Variants in OCIAD2 observed in about 807,000 individuals in gnomAD.
The protein encoded by OCIAD2 is OCIA domain-containing protein 2.
Under a neutral mutation model 22.9 loss-of-function variants are expected in OCIAD2, and 29 were observed. The ratio of observed to expected loss-of-function variants is 1.27; its 90% confidence interval spans 0.94 to 1.73. OCIAD2 has a LOEUF of 1.73. Ranked by LOEUF, OCIAD2 falls within the 40% of genes most tolerant of loss-of-function variation. The pLI is 0.00. For missense variants in OCIAD2, 189 were observed against 180.3 expected (o/e 1.05, Z -0.28); for synonymous variants, 67 against 60.2 (o/e 1.11, Z -0.52).
chr4:48,885,777 C>A (rs538199060), intron 6 of OCIAD2, among the ~76,000 whole-genome samples: 1 of 152,314 alleles, frequency 6.6e-6, no homozygotes, highest in Non-Finnish European at 1.5e-5. Context: ...TGAACCACTG[C>A]ACCTGGCTTT....
intron 4 of OCIAD2, among the ~76,000 whole-genome samples, chr4:48,895,129 A>G (rs1271809735): frequency 2.6e-5 from 4 of 152,202 alleles, no homozygotes; most frequent in African/African-American, 9.7e-5. Context: ...GAGAAAGGAA[A>G]AGGAAGCCCA....
chr4:48,887,163 C>A (rs1239963235), intron 6 of OCIAD2, among the ~76,000 whole-genome samples: 1 of 152,080 alleles, frequency 6.6e-6, no homozygotes, highest in Non-Finnish European at 1.5e-5. Flanking sequence ...CTGTTCATAT[C>A]CTTTGCCCAC....
At chr4:48,891,093 T>C (rs1337087053) in intron 6 of OCIAD2, among the ~76,000 whole-genome samples, 1 of 152,184 alleles carries the variant, frequency 6.6e-6, no homozygotes, top group African/African-American at 2.4e-5. Context: ...CTCTACATAC[T>C]ATTCCTGGCC....
chr4:48,901,948 T>C (rs1354199118), intron 2 of OCIAD2, among the ~76,000 whole-genome samples: 1 of 150,396 alleles, frequency 6.6e-6, no homozygotes, highest in Non-Finnish European at 1.5e-5. Context: ...GGGGGAGGCG[T>C]GGGGGGGGCG....
At chr4:48,887,274 C>G (rs1018699573) in intron 6 of OCIAD2, among the ~76,000 whole-genome samples, 16 of 151,446 alleles carry the variant, frequency 1.1e-4, no homozygotes, top group African/African-American at 3.6e-4. Context: ...AAATTTTCTC[C>G]CATTCTGTAG....
Position 48,892,356 on chromosome 4 carries a change from G to A in OCIAD2, c.383+416C>T, listed in dbSNP as rs564609122. 2.2e-3 allele frequency among the ~76,000 whole-genome samples: 334 copies of A among 152,308 alleles called. 3 individuals are homozygous for A. The highest frequency in any genetic ancestry group is 3.2e-3 in the Non-Finnish European group (217 of 68,038). ...AACCAAGTACTATAACAGCAGAGGTGATGCCATTAACTCCAAAGTCGTACT... is the reference window on the plus strand; with the variant it reads ...AACCAAGTACTATAACAGCAGAGGTAATGCCATTAACTCCAAAGTCGTACT... On this transcript the variant is annotated intron_variant, in intron 6 of 6. Coordinates refer to ENST00000508632, the MANE Select transcript of OCIAD2 (RefSeq NM_001014446.3).
chr4:48,886,787 G>T (rs533059019), intron 6 of OCIAD2, among the ~76,000 whole-genome samples: 1 of 151,668 alleles, frequency 6.6e-6, no homozygotes, highest in Non-Finnish European at 1.5e-5. Context: ...TGTGAATAGT[G>T]CCACAATAAA....
intron 6 of OCIAD2, 24 bp from the exon 7 acceptor site, chr4:48,885,589 A>G: frequency 8.2e-6 from 11 of 1,345,140 alleles, no homozygotes; most frequent in Non-Finnish European, 1.2e-5. Context: ...AAAAATAGAC[A>G]GCGGTTTGTA....
rs370195306 is a variant in OCIAD2, at chr4:48,885,592, G to C, written c.384-27C>G. 5 of 1,290,874 alleles carry C rather than the reference G, an allele frequency of 3.9e-6. No individual in the cohort carries two copies. In the South Asian group the frequency reaches 4.9e-5, roughly 13 times the overall value. The allele number at this position is 1,290,874 out of a possible 1,614,324, so 80.0% of individuals were successfully genotyped here. On this transcript the variant is annotated intron_variant, in intron 6 of 6. Coordinates refer to ENST00000508632, the MANE Select transcript of OCIAD2 (RefSeq NM_001014446.3). Reference sequence around the variant, plus strand: ...TAGAAGAGAAGCAAAAATAGACAGCGGTTTGTACTTTGACACTGGAAGCCC... The same window carrying C: ...TAGAAGAGAAGCAAAAATAGACAGCCGTTTGTACTTTGACACTGGAAGCCC...
intron 3 of OCIAD2, among the ~76,000 whole-genome samples, 160 bp downstream of exon 3, chr4:48,899,668 TA>T (rs927581243): frequency 3.9e-5 from 6 of 152,272 alleles, no homozygotes; most frequent in Non-Finnish European, 7.4e-5. Context: ...ATCTCTGCCC[TA>T]AAAAAGGTCT....
chr4:48,891,019 T>C (rs1781165994), intron 6 of OCIAD2, among the ~76,000 whole-genome samples: 1 of 152,202 alleles, frequency 6.6e-6, no homozygotes, highest in South Asian at 2.1e-4. Flanking sequence ...CCTTTCCCAA[T>C]AGCTCTTTAT....
At chr4:48,900,049 A>G in intron 2 of OCIAD2, 124 bp from the exon 3 acceptor site, 1 of 586,796 alleles carries the variant, frequency 1.7e-6, no homozygotes, top group South Asian at 2.3e-5. Context: ...TACCAGAGGC[A>G]GCCCAAAGCA....
rs1781333609 is a variant in OCIAD2, at chr4:48,897,805, T to C, written c.216A>G (p.Gln72=). ...TATTTAACAAATATTGAATCTTACC[T>C]TGGTAGACTAGTCCCTGGGTGACAA... is the stretch of plus-strand genomic sequence containing the variant. ...SMLVTQGLVY[Q]GYLAANSRFG... is the part of the protein sequence containing the mutation. Residue 72 remains glutamine (Q), a splice_region_variant and synonymous_variant, in exon 4 of 7, where the codon CAA becomes CAG. Coordinates refer to ENST00000508632, the MANE Select transcript of OCIAD2 (RefSeq NM_001014446.3). 1 of 1,608,472 alleles carries C rather than the reference T, an allele frequency of 6.2e-7. No homozygotes were observed. The highest frequency in any genetic ancestry group is 8.5e-7 in the Non-Finnish European group (1 of 1,175,000).
chr4:48,889,645 T>C (rs896638080), intron 6 of OCIAD2, among the ~76,000 whole-genome samples: 2 of 152,246 alleles, frequency 1.3e-5, no homozygotes, highest in Non-Finnish European at 2.9e-5. Flanking sequence ...GGAACACTTT[T>C]ACACTGTTGG....
rs529436510 is a variant in OCIAD2 at position 48,895,119 on chromosome 4, G to A, written c.218-1066C>T. 5.3e-5 allele frequency among the ~76,000 whole-genome samples: 8 copies of A among 152,300 alleles called. 1 individual carries two copies. Among genetic ancestry groups the A allele is most frequent in the South Asian group, 2.1e-4 (1 of 4,832 alleles). ...AAGAAATATGCATGGTTCTAGAAAC[G>A]AGAAAGGAAAAGGAAGCCCAAGAGC... On this transcript the variant is annotated intron_variant, in intron 4 of 6. Coordinates refer to ENST00000508632, the MANE Select transcript of OCIAD2 (RefSeq NM_001014446.3).
In OCIAD2 at chr4:48,904,563, T is replaced by C; in HGVS notation, c.-14A>G. ...CGCTGAAGCCATGATGACTTTGTGC[T>C]TGCTCTCCTTCCAGTTGTTTATCCT... On this transcript the variant is annotated 5_prime_UTR_variant, in exon 2 of 7. Coordinates refer to ENST00000508632, the MANE Select transcript of OCIAD2 (RefSeq NM_001014446.3). 6.2e-7 allele frequency: 1 copy of C among 1,613,672 alleles called. No individual in the cohort carries two copies. The highest frequency in any genetic ancestry group is 1.1e-5 in the South Asian group (1 of 91,072).
intron 1 of OCIAD2, among the ~76,000 whole-genome samples, chr4:48,905,800 G>C (rs1206966877): frequency 6.6e-6 from 1 of 152,190 alleles, no homozygotes; most frequent in Non-Finnish European, 1.5e-5. Context: ...TGCCCTGCAC[G>C]GGAAAGTACT....
intron 6 of OCIAD2, 57 bp from the exon 7 acceptor site, chr4:48,885,622 C>G: frequency 1.2e-6 from 1 of 838,732 alleles, no homozygotes; most frequent in Non-Finnish European, 2.0e-6. Context: ...AAGCCCTAGT[C>G]TTTACATAAC....
At chr4:48,900,129 C>A (rs938991336) in intron 2 of OCIAD2, among the ~76,000 whole-genome samples, 1 of 151,812 alleles carries the variant, frequency 6.6e-6, no homozygotes, top group Non-Finnish European at 1.5e-5. Context: ...GAATTCTAGT[C>A]GGAGAGTGGG....
Sources: allele counts gnomAD v4.1 joint callset (sites outside exome capture counted in the v4.1 genomes callset), GRCh38; gene constraint gnomAD v4.1.1; transcripts MANE v1.5; gene names NCBI Gene and HGNC (gene_info 2026-07-23, HGNC 2026-07-21).